The following NAA38 variants were observed in gnomAD, a reference collection of about 807,000 sequenced individuals.
The protein encoded by NAA38 is N-alpha-acetyltransferase 38, NatC auxiliary subunit.
In NAA38, 15 loss-of-function variants were observed where a neutral mutation model predicts 12.6. The ratio of observed to expected loss-of-function variants is 1.19; its 90% CI spans 0.79 to 1.83. NAA38 has a LOEUF of 1.83. Among genes scored for constraint, NAA38 ranks in the 40% most tolerant of loss-of-function variants. The pLI is 0.00. For missense variants in NAA38, 183 were observed against 171.7 expected (o/e 1.07, Z -0.37); for synonymous variants, 88 against 69.9 (o/e 1.26, Z -1.29).
At chr17:7,857,950 G>A (rs920502302), upstream of NAA38, 10 of 1,450,060 alleles carry the variant, frequency 6.9e-6, no homozygotes, top group African/African-American at 7.1e-5. Flanking sequence ...AACACGTGCA[G>A]TCCAAACCCC....
intron 2 of NAA38, among the ~76,000 whole-genome samples, chr17:7,869,564 C>G (rs1967048393): frequency 6.6e-6 from 1 of 152,004 alleles, no homozygotes; most frequent in Non-Finnish European, 1.5e-5. Flanking sequence ...GAGTTCAAGA[C>G]CAGCCTGGCC....
chr17:7,885,307 C>CCGCCGCCGCCGCCGCCGCCGCCG (rs1967659125), upstream of NAA38: 6 of 157,218 alleles, frequency 3.8e-5, no homozygotes, highest in Non-Finnish European at 6.0e-5. Context: ...GCACCCCTCC[C>CCGCCGCCGCCGCCGCCGCCGCCG]CCGCCGCCGC....
At chr17:7,885,008 C>G (rs1331959018) in intron 1 of NAA38, 6 of 1,238,384 alleles carry the variant, frequency 4.8e-6, no homozygotes, top group Non-Finnish European at 6.1e-6. Flanking sequence ...CCACAGCCCC[C>G]CCGGCTGCCA....
intron 3 of NAA38, chr17:7,864,479 T>G (rs918257454): frequency 6.6e-6 from 1 of 152,198 alleles, no homozygotes; most frequent in African/African-American, 2.4e-5. Context: ...TATTTTTTTG[T>G]AGAGACAGGG....
chr17:7,866,231 T>C (rs1052944571), intron 3 of NAA38: 34 of 249,596 alleles, frequency 1.4e-4, no homozygotes, highest in Non-Finnish European at 2.0e-4. Context: ...GGACTACAGA[T>C]GCCCGCCACC....
At chr17:7,877,899 C>T (rs758128022) in intron 2 of NAA38, among the ~76,000 whole-genome samples, 8 of 152,062 alleles carry the variant, frequency 5.3e-5, no homozygotes, top group African/African-American at 1.2e-4. Flanking sequence ...GATTGGAAAC[C>T]GAAAGATAAA....
At chr17:7,874,876 A>C in intron 2 of NAA38, among the ~76,000 whole-genome samples, 2 of 112,226 alleles carry the variant, frequency 1.8e-5, no homozygotes, top group African/African-American at 6.7e-5. Flanking sequence ...TAAGAGCAAA[A>C]CTCCATCTCA....
rs1369234670 is a variant in NAA38, at chr17:7,857,289, C to A, written c.82-91G>T. 3.1e-6 allele frequency: 5 copies of A among 1,611,416 alleles called. No individual in the cohort carries two copies. Among genetic ancestry groups the A allele is most frequent in the African/African-American group, 1.3e-5 (1 of 74,864 alleles). ...CCCGGCAGCCCGCGGGGCACTCACA[C>A]AAAGCCCAGAGGCTGCCGGGAGCTG... On this transcript the variant is annotated intron_variant, in intron 1 of 2. Transcript: ENST00000575771.
chr17:7,858,746 T>G (rs780116354), upstream of NAA38: 3 of 1,602,666 alleles, frequency 1.9e-6, no homozygotes, highest in Non-Finnish European at 2.6e-6. Flanking sequence ...GGTCGTATTA[T>G]GAGGTGGGGC....
At position 7,857,209 on chromosome 17, in the gene NAA38, T is replaced by C. The variant is rs1421795844; in HGVS notation, c.82-11A>G. 1 of 1,612,514 alleles carries C rather than the reference T, an allele frequency of 6.2e-7. No homozygotes were observed. The highest frequency in any genetic ancestry group is 1.7e-5 in the Admixed American group (1 of 59,998). On this transcript the variant is annotated splice_polypyrimidine_tract_variant and intron_variant, in intron 1 of 2. Transcript: ENST00000575771. ...CTCTCCGTCCGAATCCTGCGCGGGGTGTAACAAGCGCTCAGACCGCGCAGC... is the reference window on the plus strand; with the variant it reads ...CTCTCCGTCCGAATCCTGCGCGGGGCGTAACAAGCGCTCAGACCGCGCAGC...
At chr17:7,878,590 G>C (rs1057179249) in intron 2 of NAA38, among the ~76,000 whole-genome samples, 9 of 152,128 alleles carry the variant, frequency 5.9e-5, no homozygotes, top group Non-Finnish European at 1.2e-4. Context: ...GGGTGTGGTG[G>C]TGGCACGCGC....
Position 7,857,408 on chromosome 17 carries a change from C to A in NAA38, c.56G>T (p.Arg19Leu). 6.2e-7 allele frequency: 1 copy of A among 1,600,012 alleles called. No individual in the cohort carries two copies. The change falls in exon 1 of 3, where the codon CGG becomes CTG. Residue 19 changes from arginine to leucine, a missense_variant. By Grantham distance (102) the Arg-to-Leu change is moderately radical. Transcript: ENST00000575771. ...LLREENGCCS[R>L]RQSSSSAGDS... ...CCCAGCACTGGAGCTGCTCTGACGC[C>A]GACTGCAACAGCCATTCTCTTCTCG...
chr17:7,866,188 G>A (rs556882380), intron 3 of NAA38: 10 of 182,404 alleles, frequency 5.5e-5, no homozygotes, highest in Admixed American at 1.3e-4. Context: ...CCGGGTTCAC[G>A]CCATTCTCCT....
intron 3 of NAA38, chr17:7,864,358 G>A (rs532026271): frequency 6.6e-6 from 1 of 152,220 alleles, no homozygotes; most frequent in South Asian, 2.1e-4. Flanking sequence ...GTGGGAATGG[G>A]AGTAAAGGCT....
chr17:7,880,960 G>T (rs1408004594), intron 2 of NAA38, among the ~76,000 whole-genome samples: 1 of 152,162 alleles, frequency 6.6e-6, no homozygotes, highest in Admixed American at 6.5e-5. Context: ...AAAGACCAGA[G>T]ATGGCAAGCC....
upstream of NAA38, chr17:7,859,224 AG>A: frequency 3.2e-6 from 2 of 630,096 alleles, no homozygotes; most frequent in South Asian, 3.9e-5. Flanking sequence ...GTAGGACTTT[AG>A]GGTCTGCTCA....
chr17:7,867,721 G>A (rs1439761332), intron 2 of NAA38, among the ~76,000 whole-genome samples: 2 of 152,254 alleles, frequency 1.3e-5, no homozygotes, highest in African/African-American at 2.4e-5. Context: ...AGAAGGAAAT[G>A]AGGGAGAGAA....
At chr17:7,859,653 G>C (rs376697360), upstream of NAA38, 3 of 1,597,578 alleles carry the variant, frequency 1.9e-6, no homozygotes, top group African/African-American at 4.0e-5. Context: ...GACGTATTTC[G>C]AGTTTGGCTT....
chr17:7,885,310 G>C (rs1337100406), upstream of NAA38: 5 of 102,782 alleles, frequency 4.9e-5, no homozygotes, highest in Non-Finnish European at 9.2e-5. Flanking sequence ...CCCCTCCCCC[G>C]CCGCCGCCGC....
Sources: gnomAD v4.1 joint callset for allele counts (sites outside exome capture counted in the v4.1 genomes callset) on GRCh38, gnomAD v4.1.1 for gene constraint, MANE v1.5 for transcripts, NCBI Gene and HGNC (gene_info 2026-07-23, HGNC 2026-07-21) for gene names.